NFILZ: variants seen among roughly 807,000 people sequenced by gnomAD.
NFILZ encodes the protein NFIL3 like protein.
chr19:8,667,919 TTATAC>T (rs2043069845), intron 3 of NFILZ, among the ~76,000 whole-genome samples: 1 of 152,114 alleles, frequency 6.6e-6, no homozygotes, highest in Non-Finnish European at 1.5e-5. Context: ...TAAATAGTTG[TTATAC>T]TATATATGTA....
At chr19:8,647,097 C>T (rs894927498) in intron 3 of NFILZ, among the ~76,000 whole-genome samples, 4 of 152,098 alleles carry the variant, frequency 2.6e-5, no homozygotes, top group East Asian at 3.9e-4. Flanking sequence ...TTATGTGGAA[C>T]GTGATTAGAA....
At chr19:8,650,108 C>A (rs1431644689) in intron 3 of NFILZ, among the ~76,000 whole-genome samples, 2 of 150,196 alleles carry the variant, frequency 1.3e-5, no homozygotes, top group South Asian at 2.1e-4. Flanking sequence ...GAGCAAGACT[C>A]CGTCTGAAAA....
chr19:8,648,373 T>C (rs1290509988), intron 3 of NFILZ, among the ~76,000 whole-genome samples: 4 of 152,112 alleles, frequency 2.6e-5, no homozygotes, highest in Non-Finnish European at 4.4e-5. Context: ...TTAATGGGTA[T>C]GCTGTTTTGG....
At chr19:8,635,162 T>A (rs1479478784) in intron 2 of NFILZ, among the ~76,000 whole-genome samples, 1 of 151,530 alleles carries the variant, frequency 6.6e-6, no homozygotes, top group Non-Finnish European at 1.5e-5. Flanking sequence ...ATACAAAAAT[T>A]AGCCGGGCAT....
chr19:8,658,677 A>G (rs1040599464), intron 3 of NFILZ, among the ~76,000 whole-genome samples: 4 of 150,734 alleles, frequency 2.7e-5, no homozygotes, highest in Non-Finnish European at 5.9e-5. Flanking sequence ...TCATTCATTC[A>G]TTCATTCATT....
intron 3 of NFILZ, among the ~76,000 whole-genome samples, chr19:8,655,912 AGGGGG>A (rs5827011): frequency 3.3e-5 from 5 of 151,394 alleles, no homozygotes; most frequent in Non-Finnish European, 5.9e-5. Context: ...TCTCTGGTTC[AGGGGG>A]GGTCTCTGTC....
At chr19:8,658,173 T>A (rs2043013608) in intron 3 of NFILZ, among the ~76,000 whole-genome samples, 1 of 152,148 alleles carries the variant, frequency 6.6e-6, no homozygotes, top group African/African-American at 2.4e-5. Context: ...TGAAACAGAA[T>A]GATCAAGAGG....
At chr19:8,640,984 T>C (rs983157957) in intron 3 of NFILZ, among the ~76,000 whole-genome samples, 1 of 152,194 alleles carries the variant, frequency 6.6e-6, no homozygotes, top group East Asian at 1.9e-4. Flanking sequence ...AATGCCTCGG[T>C]AATATGGACT....
chr19:8,656,167 G>A (rs2967713), intron 3 of NFILZ, among the ~76,000 whole-genome samples: 1 of 148,516 alleles, frequency 6.7e-6, no homozygotes, highest in Non-Finnish European at 1.5e-5. Flanking sequence ...CCATAGCCAC[G>A]TTCTCCCTAC....
intron 3 of NFILZ, among the ~76,000 whole-genome samples, chr19:8,644,004 C>T (rs1463052948): frequency 2.0e-5 from 3 of 152,144 alleles, no homozygotes; most frequent in Non-Finnish European, 4.4e-5. Flanking sequence ...CCCAACACCT[C>T]CTTCCCTCAT....
chr19:8,635,823 CTTTA>C (rs2042891882), intron 3 of NFILZ, 77 bp downstream of exon 3: 1 of 152,012 alleles, frequency 6.6e-6, no homozygotes, highest in Non-Finnish European at 1.5e-5. Flanking sequence ...CTCTTTCTCT[CTTTA>C]TTTATTTGTT....
intron 3 of NFILZ, among the ~76,000 whole-genome samples, chr19:8,661,075 C>CCCTTCCT (rs2043028800): frequency 2.2e-5 from 2 of 89,746 alleles, no homozygotes; most frequent in African/African-American, 9.0e-5. Flanking sequence ...CCCCCTCCCT[C>CCCTTCCT]CCTTCCTTCC....
At position 8,677,225 on chromosome 19, in the gene NFILZ, G is replaced by T. The variant is rs1291754418; in HGVS notation, c.460G>T (p.Gly154Cys). The part of the protein sequence containing the change: ...SLDAGIPGCR[G>C]CLLAPRWTGL... ...GGATGCTGGGATTCCAGGATGTCGG[G>T]GCTGCCTGCTGGCTCCCAGATGGAC... The change falls in exon 6 of 6, where the codon GGC (glycine) becomes TGC (cysteine). Residue 154 changes from glycine (G) to cysteine (C), a missense_variant. Physicochemically the swap from Gly to Cys is radical, Grantham distance 159. Coordinates refer to ENST00000691075, the MANE Select transcript of NFILZ (RefSeq NM_001378600.1). Among the ~76,000 whole-genome samples the T allele has an allele frequency of 2.0e-5, 3 of 152,222 alleles. No homozygotes were observed. Among genetic ancestry groups the T allele is most frequent in the African/African-American group, 7.2e-5 (3 of 41,450 alleles).
In NFILZ at chr19:8,679,509, C is replaced by T. The variant is rs12151343; in HGVS notation, c.*1874C>T. 0.19 allele frequency among the ~76,000 whole-genome samples: 29,477 copies of T among 151,768 alleles called. 3,205 individuals carry two copies. Among genetic ancestry groups the T allele is most frequent in the South Asian group, 0.35 (1,695 of 4,810 alleles). Reference sequence around the variant, plus strand: ...TAGTTCTTGGCTACTCCAAGTTTATCAGAGCCACAAATGTGTGCAGGGTGA... The same window carrying T: ...TAGTTCTTGGCTACTCCAAGTTTATTAGAGCCACAAATGTGTGCAGGGTGA... On this transcript the variant is annotated 3_prime_UTR_variant, in exon 6 of 6. Transcript: ENST00000691075.
At chr19:8,658,676 C>G (rs1180331229) in intron 3 of NFILZ, among the ~76,000 whole-genome samples, 2 of 150,702 alleles carry the variant, frequency 1.3e-5, no homozygotes, top group African/African-American at 5.0e-5. Flanking sequence ...TTCATTCATT[C>G]ATTCATTCAT....
chr19:8,635,821 CTCTT>C (rs1600137926), intron 3 of NFILZ, 75 bp downstream of exon 3: 1 of 151,990 alleles, frequency 6.6e-6, no homozygotes, highest in Non-Finnish European at 1.5e-5. Context: ...TTCTCTTTCT[CTCTT>C]TATTTATTTG....
At position 8,670,301 on chromosome 19, in the gene NFILZ, C is replaced by T. The variant is rs190974079; in HGVS notation, c.-163-4250C>T. 7.1e-4 allele frequency among the ~76,000 whole-genome samples: 108 copies of T among 152,192 alleles called. 1 individual carries two copies. The South Asian group carries it at 0.011, about 16-fold the overall frequency. ...ATTTTTTGTAGAGACATGGTTTCATCATGTTGCCCAGGCTGGTCTTGAACT... is the reference window on the plus strand; with the variant it reads ...ATTTTTTGTAGAGACATGGTTTCATTATGTTGCCCAGGCTGGTCTTGAACT... On this transcript the variant is annotated intron_variant, in intron 3 of 5. Transcript: ENST00000691075.
intron 3 of NFILZ, among the ~76,000 whole-genome samples, chr19:8,668,123 G>C (rs1361319258): frequency 2.0e-5 from 3 of 151,832 alleles, no homozygotes; most frequent in African/African-American, 7.3e-5. Flanking sequence ...GCTAATTTTT[G>C]TATTTTTAGT....
rs1237535990 is a variant in NFILZ, at chr19:8,677,525, A to T, written c.760A>T (p.Asn254Tyr). Residue 254 changes from asparagine (N) to tyrosine (Y), a missense_variant, in exon 6 of 6, where the codon AAC becomes TAC. Coordinates refer to ENST00000691075, the MANE Select transcript of NFILZ (RefSeq NM_001378600.1). ...TGGGGTGACCTGCCCTGCCCCAGGG[A>T]ACAGTCCTGAGGGTCTGGGTCAGCC... ...SPGVTCPAPGNSPEGLGQPSL... is the reference protein window; with the variant it reads ...SPGVTCPAPGYSPEGLGQPSL... The T allele has an allele frequency of 6.6e-6, 1 of 152,168 alleles. No individual in the cohort carries two copies. Among genetic ancestry groups the T allele is most frequent in the African/African-American group, 2.4e-5 (1 of 41,404 alleles). 9.4% of individuals were successfully genotyped at this position (152,168 alleles called of 1,614,324 possible).
Sources: gnomAD v4.1 joint callset for allele counts (sites outside exome capture counted in the v4.1 genomes callset) on GRCh38, gnomAD v4.1.1 for gene constraint, MANE v1.5 for transcripts, NCBI Gene and HGNC (gene_info 2026-07-23, HGNC 2026-07-21) for gene names.